SPATC1: variants seen among roughly 807,000 people sequenced by gnomAD.
The protein encoded by SPATC1 is speriolin.
SPATC1 carries 35 observed loss-of-function variants against 36.5 expected under a neutral mutation model. The observed-to-expected ratio is 0.96, with a 90% CI of 0.73 to 1.27. The LOEUF is 1.27. Among genes scored for constraint, SPATC1 ranks in the 50% most tolerant of loss-of-function variants. SPATC1 has a pLI of 0.00. For missense variants in SPATC1, 779 were observed against 796.0 expected, an observed-to-expected ratio of 0.98 and a Z score of 0.26; for synonymous variants, 361 against 353.6, an observed-to-expected ratio of 1.02 and a Z score of -0.24.
At position 144,040,077 on chromosome 8, in the gene SPATC1, G is replaced by C. The variant is rs372058423; in HGVS notation, c.380G>C (p.Gly127Ala). Residue 127 changes from glycine to alanine, a missense_variant, in exon 2 of 5, where the codon GGC becomes GCC. Gly to Ala is a moderately conservative substitution (Grantham distance 60). Transcript: ENST00000377470. Reference sequence around the variant, plus strand: ...GGCACCCTCAGCACGCTGCTGTCTGGCCCAGCACCCACGTCACAGAGCAGC... The same window carrying C: ...GGCACCCTCAGCACGCTGCTGTCTGCCCCAGCACCCACGTCACAGAGCAGC... ...LTGTLSTLLSGPAPTSQSSPL... is the reference protein window; with the variant it reads ...LTGTLSTLLSAPAPTSQSSPL... 3 of 1,612,404 alleles carry C rather than the reference G, an allele frequency of 1.9e-6. No homozygotes were observed. In the African/African-American group the frequency reaches 4.0e-5, roughly 22 times the overall value.
rs191214343 is a variant in SPATC1, at chr8:144,017,033, C to T, written c.211+4307C>T. ...GGAAATGGATTGGAGGGAGAGTAGA[C>T]TGAGACAGGGAGATGGATTAGACTG... is the stretch of plus-strand genomic sequence containing the variant. On this transcript the variant is annotated intron_variant, in intron 1 of 4. Coordinates refer to ENST00000377470, the MANE Select transcript of SPATC1 (RefSeq NM_198572.3). Among the ~76,000 whole-genome samples, 8 of 152,318 alleles carry T rather than the reference C, an allele frequency of 5.3e-5. No individual in the cohort carries two copies. In the East Asian group the frequency reaches 1.5e-3, roughly 29 times the overall value.
intron 1 of SPATC1, among the ~76,000 whole-genome samples, chr8:144,039,502 C>A (rs1835003159): frequency 6.6e-6 from 1 of 152,172 alleles, no homozygotes; most frequent in South Asian, 2.1e-4. Context: ...AACAGAGGGG[C>A]CAACTTGGTG....
intron 4 of SPATC1, among the ~76,000 whole-genome samples, chr8:144,042,307 ATATATTTTTTTTT>A (rs1409749513): frequency 2.0e-5 from 1 of 49,460 alleles, no homozygotes; most frequent in Non-Finnish European, 3.2e-5. Context: ...ATATATATAT[ATATATTTTTTTTT>A]TTTTTTTTTT....
In SPATC1 at chr8:144,024,920, C is replaced by G. The variant is rs1018808569; in HGVS notation, c.211+12194C>G. On this transcript the variant is annotated intron_variant, in intron 1 of 4. Coordinates refer to ENST00000377470, the MANE Select transcript of SPATC1 (RefSeq NM_198572.3). ...TCCCTCTCCCTAAGGACCCTCTCCC[C>G]TCAGGACCCTCTTCCTTCAAGATCC... 5.6e-4 allele frequency among the ~76,000 whole-genome samples: 85 copies of G among 151,798 alleles called. 1 individual carries two copies. The highest frequency in any genetic ancestry group is 3.1e-3 in the Admixed American group (47 of 15,262).
rs367672859 is a variant in SPATC1 at position 144,041,264 on chromosome 8, G to C, written c.1339G>C (p.Gly447Arg). ...SKQLAWERLV[G>R]EIAFQLDRRI... Reference sequence around the variant, plus strand: ...GCAGCTGGCCTGGGAGAGGCTGGTGGGTGAGATTGCCTTCCAGCTGGACCG... The same window carrying C: ...GCAGCTGGCCTGGGAGAGGCTGGTGCGTGAGATTGCCTTCCAGCTGGACCG... The change falls in exon 4 of 5, where the codon GGT (glycine) becomes CGT (arginine). Residue 447 changes from glycine (G) to arginine (R), a missense_variant. Coordinates refer to ENST00000377470, the MANE Select transcript of SPATC1 (RefSeq NM_198572.3). The C allele has an allele frequency of 6.2e-7, 1 of 1,613,130 alleles. No individual in the cohort carries two copies. Among genetic ancestry groups the C allele is most frequent in the East Asian group, 2.2e-5 (1 of 44,870 alleles).
chr8:144,042,125 C>G, intron 4 of SPATC1: 2 of 540,770 alleles, frequency 3.7e-6, no homozygotes, highest in Non-Finnish European at 4.7e-6. Flanking sequence ...CAACCTCTGC[C>G]TCTCAATTCA....
At chr8:144,037,601 G>A (rs1420851312) in intron 1 of SPATC1, among the ~76,000 whole-genome samples, 2 of 152,052 alleles carry the variant, frequency 1.3e-5, no homozygotes, top group Non-Finnish European at 2.9e-5. Flanking sequence ...ACAGATGCTT[G>A]AAGGCAGCAT....
intron 4 of SPATC1, chr8:144,041,916 C>T: frequency 2.0e-6 from 2 of 984,888 alleles, no homozygotes; most frequent in African/African-American, 3.5e-5. Context: ...CAGGTTGGAG[C>T]TTTGCCTCTG....
chr8:144,014,541 C>T (rs1365870342), intron 1 of SPATC1, among the ~76,000 whole-genome samples: 22 of 152,094 alleles, frequency 1.4e-4, no homozygotes, highest in Non-Finnish European at 3.1e-4. Context: ...ACTCTGGTTT[C>T]GTACTCCCAG....
chr8:144,013,304 G>A (rs1554752705), intron 1 of SPATC1, among the ~76,000 whole-genome samples: 1 of 152,034 alleles, frequency 6.6e-6, no homozygotes, highest in Non-Finnish European at 1.5e-5. Flanking sequence ...TCCAGGCCCT[G>A]TCCCTCCACC....
At chr8:144,011,602 A>G (rs1433785197), upstream of SPATC1, among the ~76,000 whole-genome samples, 2 of 152,198 alleles carry the variant, frequency 1.3e-5, no homozygotes, top group African/African-American at 4.8e-5. This position sits in a 1 kb window ranked among gnomAD's most constrained non-coding sequence, Gnocchi z 4.5. Context: ...TCAGTACCAT[A>G]GAGTTATCTG....
At position 144,045,426 on chromosome 8, in the gene SPATC1, C is replaced by A. The variant is rs951537379; in HGVS notation, c.1447-1201C>A. ...CAAGACTGGTACCCTGCGCCTGGAG[C>A]CTTCCCCGAGGGGTGGTGCCTGAAC... On this transcript the variant is annotated intron_variant, in intron 4 of 4. Coordinates refer to ENST00000377470, the MANE Select transcript of SPATC1 (RefSeq NM_198572.3). This position sits in a 1 kb window ranked among gnomAD's most constrained non-coding sequence, Gnocchi z 5.2. 2.0e-5 allele frequency among the ~76,000 whole-genome samples: 3 copies of A among 152,200 alleles called. No homozygotes were observed. The highest frequency in any genetic ancestry group is 1.3e-4 in the Admixed American group (2 of 15,284).
chr8:144,043,598 A>G (rs1375337155), intron 4 of SPATC1, among the ~76,000 whole-genome samples: 2 of 147,800 alleles, frequency 1.4e-5, no homozygotes, highest in Non-Finnish European at 3.0e-5. Flanking sequence ...CTAACCTTGA[A>G]CTCCTGGGCT....
rs1444589710 is a variant in SPATC1 at position 144,045,900 on chromosome 8, A to G, written c.1447-727A>G. On this transcript the variant is annotated intron_variant, in intron 4 of 4. Transcript: ENST00000377470. This position sits in a 1 kb window ranked among gnomAD's most constrained non-coding sequence, Gnocchi z 5.2. ...CTGAGTGGGAGGGGCTGCCTTCATG[A>G]TTACATGCCTTAGGGCGGGAGCCAG... is the stretch of plus-strand genomic sequence containing the variant. Among the ~76,000 whole-genome samples the G allele has an allele frequency of 1.3e-5, 2 of 152,226 alleles. No homozygotes were observed. The highest frequency in any genetic ancestry group is 4.8e-5 in the African/African-American group (2 of 41,460).
At chr8:144,042,849 A>G (rs1835153003) in intron 4 of SPATC1, among the ~76,000 whole-genome samples, 1 of 150,592 alleles carries the variant, frequency 6.6e-6, no homozygotes, top group Non-Finnish European at 1.5e-5. Context: ...GCCTTTCCCT[A>G]TTGCAATTTT....
chr8:144,030,772 T>TC (rs1194769799), intron 1 of SPATC1, among the ~76,000 whole-genome samples: 1 of 152,196 alleles, frequency 6.6e-6, no homozygotes, highest in Non-Finnish European at 1.5e-5. Flanking sequence ...TCTCCTACTT[T>TC]TTTTTTCCTG....
chr8:144,026,733 G>C (rs1335391886), intron 1 of SPATC1, among the ~76,000 whole-genome samples: 7 of 151,648 alleles, frequency 4.6e-5, no homozygotes, highest in African/African-American at 1.7e-4. Context: ...TGTGCTTATT[G>C]GCCATTTGTA....
At chr8:144,044,499 G>C (rs563390288) in intron 4 of SPATC1, among the ~76,000 whole-genome samples, 4 of 149,592 alleles carry the variant, frequency 2.7e-5, no homozygotes, top group African/African-American at 9.9e-5. Flanking sequence ...TAGTAAAGAC[G>C]GGGTTTCACA....
upstream of SPATC1, among the ~76,000 whole-genome samples, chr8:144,011,395 A>G (rs1214730575): frequency 6.6e-6 from 1 of 152,132 alleles, no homozygotes; most frequent in Non-Finnish European, 1.5e-5. This position sits in a 1 kb window ranked among gnomAD's most constrained non-coding sequence, Gnocchi z 4.5. Context: ...AGGTCCAGGC[A>G]GAATGCTCAA....
Sources: gnomAD v4.1 joint callset for allele counts (sites outside exome capture counted in the v4.1 genomes callset) on GRCh38, gnomAD v4.1.1 for gene constraint, Gnocchi (gnomAD v3.1) non-coding constraint, MANE v1.5 for transcripts, NCBI Gene and HGNC (gene_info 2026-07-23, HGNC 2026-07-21) for gene names.